CRLF1: variants seen among roughly 807,000 people sequenced by gnomAD.
CRLF1 encodes the protein cytokine receptor-like factor 1.
A neutral mutation model predicts 48.9 loss-of-function variants in CRLF1; 36 were observed. The ratio of observed to expected loss-of-function variants is 0.74; its 90% CI spans 0.56 to 0.97. The LOEUF (loss-of-function observed/expected upper bound fraction) is 0.97. Ranked by LOEUF, CRLF1 falls within the 50% of genes least tolerant of loss-of-function variation. The pLI is 0.00. For missense variants in CRLF1, 534 were observed against 575.1 expected (o/e 0.93, Z 0.73); for synonymous variants, 256 against 253.4 (o/e 1.01, Z -0.10).
chr19:18,601,497 G>A (rs772166976), intron 1 of CRLF1, among the ~76,000 whole-genome samples: 1 of 152,070 alleles, frequency 6.6e-6, no homozygotes, highest in Non-Finnish European at 1.5e-5. Flanking sequence ...GGCTGGTTTC[G>A]AACTCCTGAC....
chr19:18,596,668 G>T lies in CRLF1; in HGVS notation c.978C>A (p.Ile326=). ...FGIYGSKKAG[I]WSEWSHPTAA... is the part of the protein sequence containing the mutation. ...CTGTGGGGTGGCTCCACTCACTCCA[G>T]ATCCCGGCTTTCTTGGAGCCATAGA... The change falls in exon 6 of 9, where the codon ATC becomes ATA. Residue 326 remains isoleucine (I), a synonymous_variant. Transcript: ENST00000392386. 6.2e-7 allele frequency: 1 copy of T among 1,614,042 alleles called. No homozygotes were observed. Among genetic ancestry groups the T allele is most frequent in the Non-Finnish European group, 8.5e-7 (1 of 1,180,018 alleles).
chr19:18,596,898 G>A lies in CRLF1; in HGVS notation c.849C>T (p.Asp283=). 1 of 1,614,136 alleles carries A rather than the reference G, an allele frequency of 6.2e-7. No individual in the cohort carries two copies. Among genetic ancestry groups the A allele is most frequent in the African/African-American group, 1.3e-5 (1 of 75,064 alleles). Residue 283 remains aspartate (D), a synonymous_variant, in exon 5 of 9, where the codon GAC becomes GAT. Coordinates refer to ENST00000392386, the MANE Select transcript of CRLF1 (RefSeq NM_004750.5). ...QIRYRVEDSV[D]WKVVDDVSNQ... ...CAGGGAAGGGGAGGGTCACCTTCCA[G>A]TCCACACTGTCCTCCACTCGGTAGC...
chr19:18,596,670 T>C lies in CRLF1; in HGVS notation c.976A>G (p.Ile326Val), dbSNP rs752834862. 1.8e-5 allele frequency: 29 copies of C among 1,613,892 alleles called. No individual in the cohort carries two copies. The Admixed American group carries it at 4.5e-4, about 25-fold the overall frequency. Residue 326 changes from isoleucine (I) to valine (V), a missense_variant, in exon 6 of 9, where the codon ATC (isoleucine) becomes GTC (valine). Physicochemically the swap from Ile to Val is conservative, Grantham distance 29. Coordinates refer to ENST00000392386, the MANE Select transcript of CRLF1 (RefSeq NM_004750.5). ...GTGGGGTGGCTCCACTCACTCCAGATCCCGGCTTTCTTGGAGCCATAGATG... is the reference window on the plus strand; with the variant it reads ...GTGGGGTGGCTCCACTCACTCCAGACCCCGGCTTTCTTGGAGCCATAGATG... ...FGIYGSKKAG[I>V]WSEWSHPTAA...
intron 6 of CRLF1, among the ~76,000 whole-genome samples, chr19:18,595,230 A>C (rs975783974): frequency 3.3e-5 from 5 of 152,100 alleles, no homozygotes; most frequent in African/African-American, 1.2e-4. Context: ...CGGCCTCCCC[A>C]GCCTCCCCTG....
rs764523214 is a variant in CRLF1, at chr19:18,598,481, G to A, written c.648C>T (p.Arg216=). Residue 216 remains arginine (R), a synonymous_variant, in exon 4 of 9, where the codon CGC becomes CGT. Coordinates refer to ENST00000392386, the MANE Select transcript of CRLF1 (RefSeq NM_004750.5). ...PYEIWVEATN[R]LGSARSDVLT... ...GTACATCGGAGCGGGCAGAGCCCAG[G>A]CGGTTGGTGGCCTCCACCCAGATCT... 1.7e-5 allele frequency: 28 copies of A among 1,614,144 alleles called. No individual in the cohort carries two copies. The highest frequency in any genetic ancestry group is 2.4e-5 in the Non-Finnish European group (28 of 1,180,010).
At chr19:18,593,983 T>G in intron 8 of CRLF1, 82 bp downstream of exon 8, 1 of 1,522,388 alleles carries the variant, frequency 6.6e-7, no homozygotes, top group Non-Finnish European at 8.9e-7. Flanking sequence ...TTGGGAGGCG[T>G]GGGGGTGTGA....
At position 18,606,472 on chromosome 19, in the gene CRLF1, C is replaced by T. The variant is rs931760531; in HGVS notation, c.115+70G>A. The T allele has an allele frequency of 9.3e-7, 1 of 1,071,596 alleles. No individual in the cohort carries two copies. 66.4% of individuals were successfully genotyped at this position (1,071,596 alleles called of 1,614,324 possible). ...CAGGTGGCGCCCGCGCCCCCTCCCC[C>T]CGCGGCTGCCCCCGGGGCGCCCGCC... On this transcript the variant is annotated intron_variant, in intron 1 of 8. Transcript: ENST00000392386. This position sits in a 1 kb window ranked among gnomAD's most constrained non-coding sequence, Gnocchi z 4.8.
In CRLF1 at chr19:18,600,690, G is replaced by A. The variant is rs549843109; in HGVS notation, c.116-844C>T. 1.5e-4 allele frequency among the ~76,000 whole-genome samples: 23 copies of A among 152,158 alleles called. No individual in the cohort carries two copies. The East Asian group carries it at 3.5e-3, about 23-fold the overall frequency. ...CAAGTTTTGTATTTTTAGTAGAGAC[G>A]GGGTTTCACCATATTGGCCAGGCTG... is the stretch of plus-strand genomic sequence containing the variant. On this transcript the variant is annotated intron_variant, in intron 1 of 8. Transcript: ENST00000392386.
intron 1 of CRLF1, among the ~76,000 whole-genome samples, chr19:18,600,435 C>G (rs1976206575): frequency 6.6e-6 from 1 of 151,714 alleles, no homozygotes; most frequent in Non-Finnish European, 1.5e-5. Context: ...GTGGCACGAT[C>G]TCGGCTCACT....
chr19:18,606,473 C>A lies in CRLF1; in HGVS notation c.115+69G>T, dbSNP rs1471323811. 25 of 1,072,676 alleles carry A rather than the reference C, an allele frequency of 2.3e-5. No homozygotes were observed. The African/African-American group carries it at 2.4e-4, about 10-fold the overall frequency. The allele number at this position is 1,072,676 out of a possible 1,614,324, so 66.4% of individuals were successfully genotyped here. A position where few individuals can be genotyped will look rare whatever the true frequency, so the allele number is the denominator to read the frequency against. The stretch of plus-strand genomic sequence containing the variant: ...AGGTGGCGCCCGCGCCCCCTCCCCC[C>A]GCGGCTGCCCCCGGGGCGCCCGCCC... On this transcript the variant is annotated intron_variant, in intron 1 of 8. Transcript: ENST00000392386. This position sits in a 1 kb window ranked among gnomAD's most constrained non-coding sequence, Gnocchi z 4.8.
rs1361389109 is a variant in CRLF1, at chr19:18,606,630, G to C, written c.27C>G (p.Ala9=). The C allele has an allele frequency of 9.9e-6, 10 of 1,008,456 alleles. No homozygotes were observed. Among genetic ancestry groups the C allele is most frequent in the Non-Finnish European group, 1.2e-5 (10 of 838,804 alleles). 62.5% of individuals were successfully genotyped at this position (1,008,456 alleles called of 1,614,324 possible). MPAGRRGP[A]AQSARRPPPL... Reference sequence around the variant, plus strand: ...GCGGCGGCCGCCGCGCGGATTGGGCGGCGGGGCCCCGGCGGCCGGCGGGCA... The same window carrying C: ...GCGGCGGCCGCCGCGCGGATTGGGCCGCGGGGCCCCGGCGGCCGGCGGGCA... Residue 9 remains alanine, a synonymous_variant, in exon 1 of 9, where the codon GCC becomes GCG. Transcript: ENST00000392386. The surrounding 1 kb of genome is among the most constrained non-coding windows in gnomAD (Gnocchi z 4.8).
At position 18,593,373 on chromosome 19, in the gene CRLF1, A is replaced by C. The variant is rs558657059; in HGVS notation, c.*193T>G. On this transcript the variant is annotated 3_prime_UTR_variant, in exon 9 of 9. Transcript: ENST00000392386. ...AACCAACCCTCACACACACACACACACCCACTGGGGTGCACCCAAAGGTGG... is the reference window on the plus strand; with the variant it reads ...AACCAACCCTCACACACACACACACCCCCACTGGGGTGCACCCAAAGGTGG... The C allele has an allele frequency of 3.1e-4, 214 of 695,526 alleles. 2 individuals carry two copies. The South Asian group carries it at 3.8e-3, about 12-fold the overall frequency. The allele number at this position is 695,526 out of a possible 1,614,324, so 43.1% of individuals were successfully genotyped here.
chr19:18,593,893 T>A (rs992662145), intron 8 of CRLF1, 172 bp downstream of exon 8: 1 of 980,870 alleles, frequency 1.0e-6, no homozygotes, highest in African/African-American at 1.8e-5. Flanking sequence ...CAATGCCAGT[T>A]ATACAGTAAG....
In CRLF1 at chr19:18,594,435, CTGG is replaced by C. The variant is rs1976102622; in HGVS notation, c.1025-4_1025-2del. 6.9e-7 allele frequency: 1 copy of C among 1,457,374 alleles called. No individual in the cohort carries two copies. Among genetic ancestry groups the C allele is most frequent in the African/African-American group, 1.5e-5 (1 of 68,222 alleles). 90.3% of individuals were successfully genotyped at this position (1,457,374 alleles called of 1,614,324 possible). A position where few individuals can be genotyped will look rare whatever the true frequency, so the allele number is the denominator to read the frequency against. The stretch of plus-strand genomic sequence containing the variant: ...GCCCCGCCGCCCGGGCCCGGGCGCT[CTGG>C]TGGTGGGCGGAGCGGCAGTGTCAGA... On this transcript the variant is annotated splice_acceptor_variant and splice_polypyrimidine_tract_variant and intron_variant, in intron 6 of 8. Coordinates refer to ENST00000392386, the MANE Select transcript of CRLF1 (RefSeq NM_004750.5). LOFTEE classifies it high-confidence loss of function.
In CRLF1 at chr19:18,606,323, G is replaced by A. The variant is rs1976295307; in HGVS notation, c.115+219C>T. Among the ~76,000 whole-genome samples the A allele has an allele frequency of 6.7e-6, 1 of 150,356 alleles. No individual in the cohort carries two copies. Among genetic ancestry groups the A allele is most frequent in the South Asian group, 2.2e-4 (1 of 4,530 alleles). On this transcript the variant is annotated intron_variant, in intron 1 of 8. Coordinates refer to ENST00000392386, the MANE Select transcript of CRLF1 (RefSeq NM_004750.5). This position sits in a 1 kb window ranked among gnomAD's most constrained non-coding sequence, Gnocchi z 4.8. Reference sequence around the variant, plus strand: ...CTGGCGCCCTCGGCCCAGCTGCCCAGGTAACAGGGCCTCGGGCGCGGAAGC... The same window carrying A: ...CTGGCGCCCTCGGCCCAGCTGCCCAAGTAACAGGGCCTCGGGCGCGGAAGC...
chr19:18,594,029 T>TGGGGGGGGGGG, intron 8 of CRLF1, 36 bp downstream of exon 8: 2 of 1,366,648 alleles, frequency 1.5e-6, no homozygotes, highest in Non-Finnish European at 2.0e-6. Flanking sequence ...GCCCTCCCCT[T>TGGGGGGGGGGG]GCTCCCTCCC....
intron 1 of CRLF1, 49 bp from the exon 2 acceptor site, chr19:18,599,895 G>A: frequency 6.8e-7 from 1 of 1,464,358 alleles, no homozygotes; most frequent in Non-Finnish European, 9.0e-7. Context: ...GACCCTCCAA[G>A]CCCCCAACCA....
chr19:18,593,247 AG>A lies in CRLF1; in HGVS notation c.*318del, dbSNP rs1443167992. On this transcript the variant is annotated 3_prime_UTR_variant, in exon 9 of 9. Coordinates refer to ENST00000392386, the MANE Select transcript of CRLF1 (RefSeq NM_004750.5). ...ACCTTCACAATCACAGCACCTAAATAGCTCATTTATTTAAAAGGACTCTTTT... is the reference window on the plus strand; with the variant it reads ...ACCTTCACAATCACAGCACCTAAATACTCATTTATTTAAAAGGACTCTTTT... 10 of 359,404 alleles carry A rather than the reference AG, an allele frequency of 2.8e-5. 1 individual carries two copies. Among genetic ancestry groups the A allele is most frequent in the Non-Finnish European group, 5.2e-5 (10 of 192,682 alleles). The allele number at this position is 359,404 out of a possible 1,614,324, so 22.3% of individuals were successfully genotyped here.
Position 18,598,806 on chromosome 19 carries a change from G to A in CRLF1, c.493C>T (p.Leu165Phe). 1 of 1,614,154 alleles carries A rather than the reference G, an allele frequency of 6.2e-7. No individual in the cohort carries two copies. The highest frequency in any genetic ancestry group is 8.5e-7 in the Non-Finnish European group (1 of 1,180,018). Reference sequence around the variant, plus strand: ...TACTTGAGGGAGTAGTTGGTGTGGAGGAAGGTCTCCCCGTGGGCCCCTGGC... The same window carrying A: ...TACTTGAGGGAGTAGTTGGTGTGGAAGAAGGTCTCCCCGTGGGCCCCTGGC... ...WTPGAHGETFLHTNYSLKYKL... is the reference protein window; with the variant it reads ...WTPGAHGETFFHTNYSLKYKL... Residue 165 changes from leucine (L) to phenylalanine (F), a missense_variant, in exon 3 of 9, where the codon CTC becomes TTC. This residue lies in a region of CRLF1 where 528 missense variants were observed against 555.7 expected (regional missense o/e 0.95). Transcript: ENST00000392386.
Sources: gnomAD v4.1 joint callset for allele counts (sites outside exome capture counted in the v4.1 genomes callset) on GRCh38, gnomAD v4.1.1 for gene constraint, gnomAD v4.1.1 regional missense constraint, Gnocchi (gnomAD v3.1) non-coding constraint, MANE v1.5 for transcripts, NCBI Gene and HGNC (gene_info 2026-07-23, HGNC 2026-07-21) for gene names.